HMCN1: variants seen among roughly 807,000 people sequenced by gnomAD.
HMCN1 encodes the protein hemicentin-1.
Under a neutral mutation model 625.9 loss-of-function variants are expected in HMCN1, and 321 were observed. The ratio of observed to expected loss-of-function variants is 0.51; its 90% confidence interval spans 0.47 to 0.56. The LOEUF is 0.56. HMCN1 is among the 20% of genes least tolerant of loss of function. The pLI is 0.00. For missense variants in HMCN1, 6,588 were observed against 6,887.3 expected (o/e 0.96, Z 1.54); for synonymous variants, 2,425 against 2,417.6 (o/e 1.00, Z -0.09).
intron 12 of HMCN1, 78 bp downstream of exon 12, chr1:185,962,737 C>A: frequency 1.2e-6 from 1 of 836,416 alleles, no homozygotes. Flanking sequence ...CTAATATGAC[C>A]AAATCCCTAA....
At chr1:186,085,618 A>T (rs1437093679) in intron 57 of HMCN1, among the ~76,000 whole-genome samples, 1 of 152,110 alleles carries the variant, frequency 6.6e-6, no homozygotes, top group Admixed American at 6.6e-5. Flanking sequence ...TTCTCTCAGT[A>T]AGTATTAACA....
intron 1 of HMCN1, among the ~76,000 whole-genome samples, chr1:185,805,702 C>CCCTCTCTCTGTCACTG (rs1339849693): frequency 6.6e-6 from 1 of 152,114 alleles, no homozygotes; most frequent in Non-Finnish European, 1.5e-5. Flanking sequence ...TTCTCTCCTT[C>CCCTCTCTCTGTCACTG]CCTCTCTCTG....
intron 14 of HMCN1, 142 bp downstream of exon 14, chr1:185,966,057 C>G (rs1650389048): frequency 3.0e-6 from 2 of 673,374 alleles, no homozygotes; most frequent in East Asian, 2.7e-5. Context: ...GACAATAGTT[C>G]AAAATTCTCA....
chr1:186,059,330 T>A (rs182946815), intron 46 of HMCN1, among the ~76,000 whole-genome samples: 65 of 152,166 alleles, frequency 4.3e-4, no homozygotes, highest in African/African-American at 1.1e-3. Flanking sequence ...TCTGGCTTTT[T>A]AAAAAATGTT....
chr1:186,151,867 A>G lies in HMCN1; in HGVS notation c.14896+124A>G, dbSNP rs985215846. ...CTTTTTACGCAATCTTATAAGTGAT[A>G]TAAAAGCAATTTCATGTTTTCCTGT... On this transcript the variant is annotated intron_variant, in intron 95 of 106. Coordinates refer to ENST00000271588, the MANE Select transcript of HMCN1 (RefSeq NM_031935.3). 4.0e-5 allele frequency: 38 copies of G among 960,400 alleles called. No individual in the cohort carries two copies. The African/African-American group carries it at 4.1e-4, about 10-fold the overall frequency. 59.5% of individuals were successfully genotyped at this position (960,400 alleles called of 1,614,324 possible).
chr1:186,077,331 A>G (rs1160778651), intron 54 of HMCN1, among the ~76,000 whole-genome samples: 5 of 152,190 alleles, frequency 3.3e-5, no homozygotes, highest in Admixed American at 3.3e-4. Flanking sequence ...AAAAAACATT[A>G]TTGCAACAAT....
At chr1:185,901,966 T>C (rs1381340277) in intron 4 of HMCN1, among the ~76,000 whole-genome samples, 2 of 151,832 alleles carry the variant, frequency 1.3e-5, no homozygotes, top group African/African-American at 4.8e-5. Context: ...TTTGTATTTT[T>C]ACATCCTTCC....
chr1:185,780,528 A>G (rs1196863427), intron 1 of HMCN1, among the ~76,000 whole-genome samples: 2 of 152,182 alleles, frequency 1.3e-5, no homozygotes, highest in East Asian at 3.8e-4. Flanking sequence ...TCCCATCAAT[A>G]CCTAATTTAT....
intron 1 of HMCN1, among the ~76,000 whole-genome samples, chr1:185,742,209 T>C (rs972890537): frequency 2.0e-5 from 3 of 152,168 alleles, no homozygotes; most frequent in Admixed American, 6.5e-5. Flanking sequence ...TGGCAGGTTA[T>C]TGTCAAAGTC....
chr1:185,780,564 A>G (rs1443559368), intron 1 of HMCN1, among the ~76,000 whole-genome samples: 1 of 152,186 alleles, frequency 6.6e-6, no homozygotes, highest in Non-Finnish European at 1.5e-5. Flanking sequence ...TGAAGGGCTG[A>G]TGAATTTTGT....
chr1:185,887,563 T>C (rs1664749814), intron 4 of HMCN1, among the ~76,000 whole-genome samples: 1 of 151,320 alleles, frequency 6.6e-6, no homozygotes, highest in South Asian at 2.1e-4. Context: ...TGGTGTTTGG[T>C]TTTTTGTTCT....
chr1:185,925,325 G>A, intron 9 of HMCN1, 134 bp downstream of exon 9: 1 of 842,098 alleles, frequency 1.2e-6, no homozygotes, highest in Non-Finnish European at 2.0e-6. Flanking sequence ...TGAACAAAAT[G>A]GACACAAATC....
At chr1:185,792,332 A>G (rs564334064) in intron 1 of HMCN1, among the ~76,000 whole-genome samples, 2 of 152,360 alleles carry the variant, frequency 1.3e-5, no homozygotes, top group Admixed American at 6.5e-5. Flanking sequence ...ACTGACATAA[A>G]TCATTCACAA....
rs556522854 is a variant in HMCN1, at chr1:185,827,436, A to T, written c.269-18590A>T. 6.6e-5 allele frequency among the ~76,000 whole-genome samples: 10 copies of T among 152,254 alleles called. No individual in the cohort carries two copies. In the East Asian group the frequency reaches 1.9e-3, roughly 29 times the overall value. On this transcript the variant is annotated intron_variant, in intron 1 of 106. Transcript: ENST00000271588. ...GATGGTAGGTGAACAGTGGTCTCAA[A>T]GAAATGGACAGGAAAAATAAAACCA... is the stretch of plus-strand genomic sequence containing the variant.
chr1:185,788,686 C>T (rs1657790032), intron 1 of HMCN1, among the ~76,000 whole-genome samples: 1 of 152,150 alleles, frequency 6.6e-6, no homozygotes, highest in South Asian at 2.1e-4. Context: ...CTCGCTTGAG[C>T]TGTACCTTGG....
At chr1:186,004,350 G>T (rs1653402609) in intron 29 of HMCN1, among the ~76,000 whole-genome samples, 1 of 152,112 alleles carries the variant, frequency 6.6e-6, no homozygotes, top group Non-Finnish European at 1.5e-5. Flanking sequence ...TTTCTCAAAT[G>T]GTGGTTACAG....
intron 11 of HMCN1, among the ~76,000 whole-genome samples, chr1:185,948,814 G>A (rs1668484790): frequency 6.6e-6 from 1 of 151,664 alleles, no homozygotes; most frequent in African/African-American, 2.4e-5. Context: ...GGGGTGGTAT[G>A]GAGAGAGAAT....
At chr1:185,908,361 A>G (rs1666215352) in intron 4 of HMCN1, among the ~76,000 whole-genome samples, 1 of 152,036 alleles carries the variant, frequency 6.6e-6, no homozygotes, top group Non-Finnish European at 1.5e-5. Flanking sequence ...TAGCTTGACT[A>G]TAGCTTAATA....
chr1:185,981,128 T>G, intron 17 of HMCN1, 55 bp downstream of exon 17: 1 of 1,050,094 alleles, frequency 9.5e-7, no homozygotes, highest in African/African-American at 1.6e-5. Context: ...CAGACTTCTT[T>G]TACTATGTCA....
Sources: allele counts gnomAD v4.1 joint callset (sites outside exome capture counted in the v4.1 genomes callset), GRCh38; gene constraint gnomAD v4.1.1; transcripts MANE v1.5; gene names NCBI Gene and HGNC (gene_info 2026-07-23, HGNC 2026-07-21).